The following FGFRL1 variants were observed in gnomAD, a reference collection of about 807,000 sequenced individuals.
The protein encoded by FGFRL1 is fibroblast growth factor receptor-like 1.
FGFRL1 carries 24 observed loss-of-function variants against 36.8 expected under a neutral mutation model. That is an observed-to-expected ratio of 0.65 (90% CI 0.47 to 0.92). The LOEUF is 0.92. Ranked by LOEUF, FGFRL1 falls within the 40% of genes least tolerant of loss-of-function variation. FGFRL1 has a pLI of 0.00. For synonymous variants in FGFRL1, 422 were observed against 344.1 expected (o/e 1.23, Z -2.50); for missense variants, 785 against 753.4 (o/e 1.04, Z -0.49).
chr4:1,016,955 C>T (rs2153025760), intron 2 of FGFRL1, among the ~76,000 whole-genome samples: 1 of 152,294 alleles, frequency 6.6e-6, no homozygotes, highest in South Asian at 2.1e-4. Flanking sequence ...GGCACAGCCA[C>T]ATAGCGGCCA....
upstream of FGFRL1, among the ~76,000 whole-genome samples, chr4:1,011,549 G>GA (rs1408905876): frequency 6.9e-6 from 1 of 145,586 alleles, no homozygotes; most frequent in Non-Finnish European, 1.5e-5. Flanking sequence ...GGGCACGGGG[G>GA]AGGGCTGACG....
intron 2 of FGFRL1, among the ~76,000 whole-genome samples, chr4:1,013,529 C>A (rs1336063676): frequency 3.4e-5 from 4 of 118,220 alleles, no homozygotes; most frequent in Admixed American, 7.7e-5. Flanking sequence ...TGCCACAGCA[C>A]CCCCCCCTAC....
intron 3 of FGFRL1, among the ~76,000 whole-genome samples, 193 bp downstream of exon 3, chr4:1,022,668 G>C (rs958591952): frequency 6.6e-6 from 1 of 152,306 alleles, no homozygotes; most frequent in East Asian, 1.9e-4. Context: ...TCCCGTTCCT[G>C]TCCCCGTCAG....
Position 1,022,084 on chromosome 4 carries a change from T to G in FGFRL1, c.80-119T>G, listed in dbSNP as rs1716211803. 5 of 752,268 alleles carry G rather than the reference T, an allele frequency of 6.6e-6. No individual in the cohort carries two copies. In the Admixed American group the frequency reaches 1.4e-4, roughly 20 times the overall value. 46.6% of individuals were successfully genotyped at this position (752,268 alleles called of 1,614,324 possible). A position where few individuals can be genotyped will look rare whatever the true frequency, so the allele number is the denominator to read the frequency against. On this transcript the variant is annotated intron_variant, in intron 2 of 6. Transcript: ENST00000510644. The stretch of plus-strand genomic sequence containing the variant: ...GGCCCCTCTGCTCATCTTGGGCAGG[T>G]GACCCAGGTGGAGCTCAGGCCCGAG...
chr4:1,012,499 C>T lies in FGFRL1; in HGVS notation c.14C>T (p.Pro5Leu). The T allele has an allele frequency of 1.9e-6, 3 of 1,571,512 alleles. No homozygotes were observed. Among genetic ancestry groups the T allele is most frequent in the Non-Finnish European group, 2.6e-6 (3 of 1,164,028 alleles). MTPS[P>L]LLLLLLPPLL... ...GGACAGGCCGAGATGACGCCGAGCC[C>T]CCTGTTGCTGCTCCTGCTGCCGCCG... is the stretch of plus-strand genomic sequence containing the variant. The change falls in exon 2 of 7, where the codon CCC (proline) becomes CTC (leucine). Residue 5 changes from proline to leucine, a missense_variant. Pro to Leu is a moderately conservative substitution (Grantham distance 98). Coordinates refer to ENST00000510644, the MANE Select transcript of FGFRL1 (RefSeq NM_001004356.3).
chr4:1,024,372 C>A lies in FGFRL1; in HGVS notation c.780C>A (p.Phe260Leu). ...ACCCCGTGAACACGACGGTGGACTT[C>A]GGGGGGACCACGTCCTTCCAGTGCA... ...GTHPVNTTVD[F>L]GGTTSFQCKV... Residue 260 changes from phenylalanine (F) to leucine (L), a missense_variant, in exon 6 of 7, where the codon TTC becomes TTA. Phe to Leu is a conservative substitution (Grantham distance 22). Transcript: ENST00000510644. The A allele has an allele frequency of 6.2e-7, 1 of 1,612,356 alleles. No homozygotes were observed. Among genetic ancestry groups the A allele is most frequent in the South Asian group, 1.1e-5 (1 of 91,046 alleles).
Position 1,025,029 on chromosome 4 carries a change from C to G in FGFRL1, c.1197C>G (p.Cys399Trp). Residue 399 changes from cysteine to tryptophan, a missense_variant, in exon 7 of 7, where the codon TGC becomes TGG. Physicochemically the swap from Cys to Trp is radical, Grantham distance 215 (BLOSUM62 -2). Coordinates refer to ENST00000510644, the MANE Select transcript of FGFRL1 (RefSeq NM_001004356.3). ...FILGTLLLWL[C>W]QAQKKPCTPA... ...TGGGCACCCTGCTCCTGTGGCTTTG[C>G]CAGGCCCAGAAGAAGCCGTGCACCC... 6.2e-7 allele frequency: 1 copy of G among 1,611,034 alleles called. No homozygotes were observed. Among genetic ancestry groups the G allele is most frequent in the Non-Finnish European group, 8.5e-7 (1 of 1,179,574 alleles).
chr4:1,022,894 T>C (rs772582050), intron 3 of FGFRL1, among the ~76,000 whole-genome samples: 1 of 152,154 alleles, frequency 6.6e-6, no homozygotes, highest in Non-Finnish European at 1.5e-5. Flanking sequence ...GCGCTGGGCT[T>C]GGACAGGTGT....
chr4:1,025,003 C>T lies in FGFRL1; in HGVS notation c.1171C>T (p.Leu391=). 6.2e-7 allele frequency: 1 copy of T among 1,611,014 alleles called. No individual in the cohort carries two copies. Residue 391 remains leucine, a synonymous_variant, in exon 7 of 7, where the codon CTG becomes TTG. Coordinates refer to ENST00000510644, the MANE Select transcript of FGFRL1 (RefSeq NM_001004356.3). ...CATCCCAGCCGGCGCTGTCTTCATC[C>T]TGGGCACCCTGCTCCTGTGGCTTTG... ...IGIPAGAVFI[L]GTLLLWLCQA...
rs551721504 is a variant in FGFRL1 at position 1,025,170 on chromosome 4, G to A, written c.1338G>A (p.Leu446=). 5.6e-6 allele frequency: 9 copies of A among 1,610,444 alleles called. No individual in the cohort carries two copies. The highest frequency in any genetic ancestry group is 1.7e-5 in the Admixed American group (1 of 59,732). ...TCAGCGCTGGCCCTGGTGTGGGGCT[G>A]TGTGAGGAGCATGGGTCTCCGGCAG... ...AALSAGPGVG[L]CEEHGSPAAP... is the part of the protein sequence containing the mutation. The change falls in exon 7 of 7, where the codon CTG becomes CTA. Residue 446 remains leucine, a synonymous_variant. Coordinates refer to ENST00000510644, the MANE Select transcript of FGFRL1 (RefSeq NM_001004356.3).
chr4:1,018,367 C>T (rs567067110), intron 2 of FGFRL1, among the ~76,000 whole-genome samples: 14 of 147,458 alleles, frequency 9.5e-5, no homozygotes, highest in African/African-American at 2.7e-4. Flanking sequence ...GTGGGGGGGG[C>T]GGCGGGAGGA....
Position 1,023,827 on chromosome 4 carries a change from C to G in FGFRL1, c.444C>G (p.Arg148=). The part of the protein sequence containing the change: ...DPASQQWARP[R]FTQPSKMRRR... ...CACCCCACCCCGCAGCACGACCGCG[C>G]TTCACACAGCCCTCCAAGATGAGGC... The change falls in exon 5 of 7, where the codon CGC becomes CGG. Residue 148 remains arginine, a synonymous_variant. Transcript: ENST00000510644. This position sits in a 1 kb window ranked among gnomAD's most constrained non-coding sequence, Gnocchi z 6.0. The G allele has an allele frequency of 6.3e-7, 1 of 1,581,140 alleles. No homozygotes were observed. Among genetic ancestry groups the G allele is most frequent in the South Asian group, 1.1e-5 (1 of 88,216 alleles).
chr4:1,013,022 A>C (rs1228796961), intron 2 of FGFRL1, among the ~76,000 whole-genome samples: 1 of 152,140 alleles, frequency 6.6e-6, no homozygotes, highest in Non-Finnish European at 1.5e-5. Flanking sequence ...TCTGGGACTG[A>C]AACTGACCCC....
chr4:1,020,291 T>A (rs1380983617), intron 2 of FGFRL1, among the ~76,000 whole-genome samples: 1 of 152,118 alleles, frequency 6.6e-6, no homozygotes, highest in Non-Finnish European at 1.5e-5. Context: ...ATGGACACTG[T>A]CACCCATGGG....
chr4:1,014,810 C>G (rs879902931), intron 2 of FGFRL1, among the ~76,000 whole-genome samples: 1 of 152,160 alleles, frequency 6.6e-6, no homozygotes, highest in East Asian at 1.9e-4. Context: ...TCGGGCCAGC[C>G]GCCCCGTTTC....
intron 2 of FGFRL1, among the ~76,000 whole-genome samples, chr4:1,014,950 C>T (rs940849374): frequency 5.3e-5 from 8 of 152,238 alleles, no homozygotes; most frequent in African/African-American, 1.2e-4. Context: ...ATCCATTGTG[C>T]GGGAATCAAT....
At position 1,023,929 on chromosome 4, in the gene FGFRL1, C is replaced by G. The variant is rs1195256295; in HGVS notation, c.546C>G (p.Ile182Met). The change falls in exon 5 of 7, where the codon ATC becomes ATG. Residue 182 changes from isoleucine to methionine, a missense_variant. By Grantham distance (10) the Ile-to-Met change is conservative. Transcript: ENST00000510644. This position sits in a 1 kb window ranked among gnomAD's most constrained non-coding sequence, Gnocchi z 6.0. Reference protein sequence around the residue: ...CVASGHPRPDITWMKDDQALT... With the variant: ...CVASGHPRPDMTWMKDDQALT... The stretch of plus-strand genomic sequence containing the variant: ...CCAGCGGGCACCCTCGGCCCGACAT[C>G]ACGTGGATGAAGGACGACCAGGCCT... 6.3e-7 allele frequency: 1 copy of G among 1,585,584 alleles called. No homozygotes were observed. The highest frequency in any genetic ancestry group is 8.5e-7 in the Non-Finnish European group (1 of 1,169,890).
chr4:1,017,679 G>A (rs562956653), intron 2 of FGFRL1, among the ~76,000 whole-genome samples: 14 of 152,292 alleles, frequency 9.2e-5, no homozygotes, highest in African/African-American at 3.1e-4. Flanking sequence ...GTCCTAGCTC[G>A]TGTCTTCTCC....
chr4:1,015,128 A>G (rs1169417530), intron 2 of FGFRL1, among the ~76,000 whole-genome samples: 1 of 152,116 alleles, frequency 6.6e-6, no homozygotes. Flanking sequence ...CTGTGCCCGC[A>G]GACTGGACCC....
Sources: gnomAD v4.1 joint callset for allele counts (sites outside exome capture counted in the v4.1 genomes callset) on GRCh38, gnomAD v4.1.1 for gene constraint, Gnocchi (gnomAD v3.1) non-coding constraint, MANE v1.5 for transcripts, NCBI Gene and HGNC (gene_info 2026-07-23, HGNC 2026-07-21) for gene names.